The following WWOX variants were observed in gnomAD, a reference collection of about 807,000 sequenced individuals.
WWOX encodes the protein WW domain-containing oxidoreductase.
In WWOX, 69 loss-of-function variants were observed where a neutral mutation model predicts 46.2. The observed-to-expected ratio is 1.49, with a 90% CI of 1.23 to 1.82. WWOX has a LOEUF of 1.82. Among genes scored for constraint, WWOX ranks in the 40% most tolerant of loss-of-function variants. The probability of loss-of-function intolerance (pLI) is 0.00; values close to 1 mark genes in which losing one functional copy is unlikely to be tolerated. For synonymous variants in WWOX, 359 were observed against 202.6 expected, an observed-to-expected ratio of 1.77 and a Z score of -6.56; for missense variants, 919 against 542.6, an observed-to-expected ratio of 1.69 and a Z score of -6.89.
At chr16:78,470,908 T>G (rs908762023) in intron 8 of WWOX, among the ~76,000 whole-genome samples, 1 of 152,196 alleles carries the variant, frequency 6.6e-6, no homozygotes, top group South Asian at 2.1e-4. Context: ...CAGGTGATAT[T>G]GTGCCTACTT....
intron 8 of WWOX, among the ~76,000 whole-genome samples, chr16:78,920,455 G>C (rs1298804295): frequency 2.0e-5 from 3 of 152,176 alleles, no homozygotes; most frequent in Non-Finnish European, 2.9e-5. Context: ...CTTTGGACCT[G>C]TGATTTTCGC....
At chr16:79,054,758 G>A (rs1291848724) in intron 8 of WWOX, among the ~76,000 whole-genome samples, 1 of 152,152 alleles carries the variant, frequency 6.6e-6, no homozygotes, top group Non-Finnish European at 1.5e-5. Context: ...CCCAGGAGGT[G>A]GAGGCTGCTG....
intron 8 of WWOX, among the ~76,000 whole-genome samples, chr16:78,666,212 G>A (rs1468223101): frequency 2.0e-5 from 3 of 152,066 alleles, no homozygotes; most frequent in Admixed American, 6.6e-5. Context: ...GTTGGAGCCC[G>A]GGAGGTCAAG....
chr16:78,532,719 T>G (rs1346161233), intron 8 of WWOX, among the ~76,000 whole-genome samples: 28 of 152,094 alleles, frequency 1.8e-4, no homozygotes, highest in Non-Finnish European at 2.9e-5. Flanking sequence ...AAAGAACTTG[T>G]GTAGGGAAAC....
At chr16:78,320,048 A>G (rs1481505091) in intron 5 of WWOX, among the ~76,000 whole-genome samples, 1 of 152,172 alleles carries the variant, frequency 6.6e-6, no homozygotes, top group Non-Finnish European at 1.5e-5. Context: ...ATAATGGTAT[A>G]TTTGGGTGAG....
chr16:78,497,142 C>G (rs933887691), intron 8 of WWOX, among the ~76,000 whole-genome samples: 3 of 152,326 alleles, frequency 2.0e-5, no homozygotes, highest in African/African-American at 4.8e-5. Context: ...AGGTGTATGT[C>G]TGCTCATGCT....
chr16:78,729,344 A>G (rs1482035196), intron 8 of WWOX, among the ~76,000 whole-genome samples: 1 of 151,410 alleles, frequency 6.6e-6, no homozygotes, highest in Non-Finnish European at 1.5e-5. Context: ...CCTGCCTCAA[A>G]AAAAAAAAGT....
At chr16:78,929,510 C>T (rs569830542) in intron 8 of WWOX, among the ~76,000 whole-genome samples, 5 of 152,038 alleles carry the variant, frequency 3.3e-5, no homozygotes, top group Admixed American at 6.6e-5. Flanking sequence ...ATACTGGCAC[C>T]GTATCCGAGT....
chr16:78,736,916 G>A (rs929482991), intron 8 of WWOX, among the ~76,000 whole-genome samples: 1 of 151,922 alleles, frequency 6.6e-6, no homozygotes, highest in East Asian at 2.0e-4. Flanking sequence ...GCCCACAATG[G>A]TTTTCATATA....
At chr16:78,244,971 C>A (rs2151823093) in intron 5 of WWOX, among the ~76,000 whole-genome samples, 1 of 152,242 alleles carries the variant, frequency 6.6e-6, no homozygotes, top group South Asian at 2.1e-4. Flanking sequence ...CATTTTGGCA[C>A]ATATTCTTAC....
chr16:78,543,821 G>A (rs191526578), intron 8 of WWOX, among the ~76,000 whole-genome samples: 9 of 152,266 alleles, frequency 5.9e-5, no homozygotes, highest in Admixed American at 1.3e-4. Context: ...ATCTCCCGCA[G>A]GGCCTGATAG....
chr16:78,568,698 T>C (rs1286290899), intron 8 of WWOX, among the ~76,000 whole-genome samples: 1 of 152,030 alleles, frequency 6.6e-6, no homozygotes, highest in Non-Finnish European at 1.5e-5. Context: ...TGGTGTCGAT[T>C]TCCTGACCTT....
At chr16:78,404,576 A>G (rs2082483660) in intron 6 of WWOX, among the ~76,000 whole-genome samples, 1 of 152,144 alleles carries the variant, frequency 6.6e-6, no homozygotes, top group Non-Finnish European at 1.5e-5. Flanking sequence ...TTGGCCTATC[A>G]AATTTCTTTC....
intron 5 of WWOX, among the ~76,000 whole-genome samples, chr16:78,327,640 A>G (rs781742438): frequency 3.9e-5 from 6 of 152,094 alleles, no homozygotes; most frequent in African/African-American, 7.2e-5. Context: ...ACAATCTTCT[A>G]TTTTTATTTA....
At chr16:78,444,712 A>G (rs184730904) in intron 8 of WWOX, among the ~76,000 whole-genome samples, 24 of 151,930 alleles carry the variant, frequency 1.6e-4, no homozygotes, top group African/African-American at 4.6e-4. Flanking sequence ...TTGTATTCTT[A>G]GTAGAGACGA....
intron 8 of WWOX, among the ~76,000 whole-genome samples, chr16:78,669,091 A>T (rs1276813862): frequency 6.6e-6 from 1 of 152,206 alleles, no homozygotes; most frequent in Admixed American, 6.5e-5. Flanking sequence ...GGAGCTAAGC[A>T]GATGGATAAG....
chr16:78,784,950 G>T (rs769881416), intron 8 of WWOX, among the ~76,000 whole-genome samples: 3 of 152,126 alleles, frequency 2.0e-5, no homozygotes, highest in African/African-American at 7.2e-5. Context: ...TGTCCCTTTT[G>T]CAGTTGTTCA....
At chr16:79,008,223 C>A (rs1295803011) in intron 8 of WWOX, among the ~76,000 whole-genome samples, 1 of 152,204 alleles carries the variant, frequency 6.6e-6, no homozygotes, top group Non-Finnish European at 1.5e-5. Context: ...GCCCTATCCA[C>A]AGATGACCTC....
intron 5 of WWOX, among the ~76,000 whole-genome samples, chr16:78,321,443 T>A (rs1038708306): frequency 6.7e-6 from 1 of 148,662 alleles, no homozygotes; most frequent in African/African-American, 2.5e-5. Context: ...TAAAAATATA[T>A]TTAAATAATG....
Sources: allele counts gnomAD v4.1 joint callset (sites outside exome capture counted in the v4.1 genomes callset), GRCh38; gene constraint gnomAD v4.1.1; transcripts MANE v1.5; gene names NCBI Gene and HGNC (gene_info 2026-07-23, HGNC 2026-07-21).